Variants in TTC7B observed in about 807,000 individuals in gnomAD.
TTC7B encodes the protein tetratricopeptide repeat protein 7B.
In TTC7B, 28 loss-of-function variants were observed where a neutral mutation model predicts 106.8. The observed-to-expected ratio is 0.26, with a 90% CI of 0.19 to 0.36. The LOEUF is 0.36. Ranked by LOEUF, TTC7B falls within the 10% of genes least tolerant of loss-of-function variation. The pLI is 1.00. For synonymous variants in TTC7B, 405 were observed against 430.6 expected (o/e 0.94, Z 0.74); for missense variants, 862 against 1,076.4 (o/e 0.80, Z 2.79).
Position 90,552,419 on chromosome 14 carries a change from C to T in TTC7B, c.2311-10830G>A, listed in dbSNP as rs546636231. Among the ~76,000 whole-genome samples the T allele has an allele frequency of 4.6e-5, 7 of 152,344 alleles. No individual in the cohort carries two copies. The East Asian group carries it at 1.3e-3, about 29-fold the overall frequency. On this transcript the variant is annotated intron_variant, in intron 19 of 19. Coordinates refer to ENST00000328459, the MANE Select transcript of TTC7B (RefSeq NM_001010854.2). ...AAAGGCCAACCCTAGGTCTTCCTGA[C>T]AGCCCGTGCCCATCTAAGCCTCATA...
chr14:90,697,101 T>C (rs908378502), intron 5 of TTC7B, among the ~76,000 whole-genome samples: 24 of 152,274 alleles, frequency 1.6e-4, no homozygotes, highest in South Asian at 8.3e-4. Flanking sequence ...GTACTTTGAA[T>C]TGTATGAAAT....
intron 5 of TTC7B, among the ~76,000 whole-genome samples, chr14:90,719,886 A>G (rs1296350531): frequency 1.3e-5 from 2 of 152,210 alleles, no homozygotes; most frequent in South Asian, 2.1e-4. Flanking sequence ...TGGCTGGACA[A>G]GATGCCTTTG....
chr14:90,641,597 C>T (rs889281077), intron 15 of TTC7B, among the ~76,000 whole-genome samples: 33 of 152,200 alleles, frequency 2.2e-4, no homozygotes, highest in Admixed American at 2.0e-3. Context: ...AGTTTCCCAT[C>T]GCAAAGAAAT....
At chr14:90,580,241 G>A (rs1034964807) in intron 18 of TTC7B, among the ~76,000 whole-genome samples, 1 of 152,244 alleles carries the variant, frequency 6.6e-6, no homozygotes, top group Admixed American at 6.5e-5. Context: ...ATGGATGAAA[G>A]GTAACTAACA....
chr14:90,780,240 G>A (rs1891163938), intron 3 of TTC7B, among the ~76,000 whole-genome samples: 1 of 152,080 alleles, frequency 6.6e-6, no homozygotes, highest in South Asian at 2.1e-4. Context: ...AATTAGCTGG[G>A]TGTGGTGGCG....
At chr14:90,810,320 C>T (rs761134160) in intron 1 of TTC7B, among the ~76,000 whole-genome samples, 2 of 152,090 alleles carry the variant, frequency 1.3e-5, no homozygotes, top group Non-Finnish European at 1.5e-5. Context: ...CAAGGGCTTC[C>T]GAAAAAGGGT....
intron 3 of TTC7B, among the ~76,000 whole-genome samples, chr14:90,758,424 G>A (rs899887493): frequency 2.2e-5 from 3 of 135,020 alleles, no homozygotes; most frequent in Non-Finnish European, 4.9e-5. Flanking sequence ...GGGGACAGCA[G>A]TGAGCGGGGC....
rs542898481 is a variant in TTC7B, at chr14:90,800,538, G to A, written c.122-14210C>T. The stretch of plus-strand genomic sequence containing the variant: ...TTAGAAGGTCAGAGTCCGGCCAGGC[G>A]AGGTGGCTCACACCTGTAATCCCAG... On this transcript the variant is annotated intron_variant, in intron 1 of 19. Transcript: ENST00000328459. 4.1e-3 allele frequency among the ~76,000 whole-genome samples: 623 copies of A among 152,260 alleles called. 2 individuals are homozygous for A. The highest frequency in any genetic ancestry group is 0.014 in the African/African-American group (600 of 41,550).
At chr14:90,603,973 T>TGCCC (rs1426330276) in intron 17 of TTC7B, among the ~76,000 whole-genome samples, 4 of 152,178 alleles carry the variant, frequency 2.6e-5, no homozygotes, top group African/African-American at 9.7e-5. Context: ...AACTGAGCAC[T>TGCCC]GCCCGGGACA....
In TTC7B at chr14:90,600,445, T is replaced by C. The variant is rs1477816590; in HGVS notation, c.1967-6819A>G. Reference sequence around the variant, plus strand: ...CAACCATGAGGGCTCCTGCTGTGGGTTCCTCTGATAAATAAATCACCTTGG... The same window carrying C: ...CAACCATGAGGGCTCCTGCTGTGGGCTCCTCTGATAAATAAATCACCTTGG... On this transcript the variant is annotated intron_variant, in intron 17 of 19. Transcript: ENST00000328459. This position sits in a 1 kb window ranked among gnomAD's most constrained non-coding sequence, Gnocchi z 4.3. Among the ~76,000 whole-genome samples, 5 of 152,104 alleles carry C rather than the reference T, an allele frequency of 3.3e-5. No individual in the cohort carries two copies. The highest frequency in any genetic ancestry group is 6.5e-5 in the Admixed American group (1 of 15,284).
chr14:90,806,492 C>G (rs758053157), intron 1 of TTC7B, among the ~76,000 whole-genome samples: 1 of 152,234 alleles, frequency 6.6e-6, no homozygotes, highest in Admixed American at 6.5e-5. Flanking sequence ...AACCGAGCAT[C>G]TGAACCTTTC....
At chr14:90,764,700 C>T (rs928032747) in intron 3 of TTC7B, among the ~76,000 whole-genome samples, 1 of 152,012 alleles carries the variant, frequency 6.6e-6, no homozygotes, top group African/African-American at 2.4e-5. Flanking sequence ...CCAATAAGCA[C>T]ATGAAAAATT....
At chr14:90,584,847 A>G (rs372296885) in intron 18 of TTC7B, among the ~76,000 whole-genome samples, 1 of 152,072 alleles carries the variant, frequency 6.6e-6, no homozygotes, top group African/African-American at 2.4e-5. Flanking sequence ...CTGCTAGCAC[A>G]GAGGGTGCTC....
At position 90,786,197 on chromosome 14, in the gene TTC7B, C is replaced by T. The variant is rs895702605; in HGVS notation, c.253G>A (p.Ala85Thr). The change falls in exon 2 of 20, where the codon GCC becomes ACC. Residue 85 changes from alanine to threonine, a missense_variant. Coordinates refer to ENST00000328459, the MANE Select transcript of TTC7B (RefSeq NM_001010854.2). ...ACCTTAAGGTTCCCTCGGTCCAGGG[C>T]GGCGGTCAGATGCTTGCGGACCTCA... ...LTEVRKHLTAALDRGNLKSEF... is the reference protein window; with the variant it reads ...LTEVRKHLTATLDRGNLKSEF... 18 of 1,581,186 alleles carry T rather than the reference C, an allele frequency of 1.1e-5. No individual in the cohort carries two copies. The highest frequency in any genetic ancestry group is 4.1e-5 in the African/African-American group (3 of 73,444).
intron 4 of TTC7B, among the ~76,000 whole-genome samples, chr14:90,738,563 C>T (rs565298035): frequency 3.0e-4 from 46 of 151,506 alleles, no homozygotes; most frequent in South Asian, 1.2e-3. Context: ...GCCAAGACTG[C>T]GCCATTGCAC....
intron 18 of TTC7B, among the ~76,000 whole-genome samples, chr14:90,590,805 C>T (rs1291935102): frequency 1.3e-5 from 2 of 152,210 alleles, no homozygotes; most frequent in Non-Finnish European, 2.9e-5. Context: ...GTCGATATGG[C>T]ACAAATTCCA....
At chr14:90,711,741 C>CA (rs1285966851) in intron 5 of TTC7B, among the ~76,000 whole-genome samples, 1 of 151,690 alleles carries the variant, frequency 6.6e-6, no homozygotes, top group Admixed American at 6.6e-5. Flanking sequence ...AAATTTTTTC[C>CA]AAAAAAATGC....
At chr14:90,644,359 T>G in intron 14 of TTC7B, 151 bp from the exon 15 acceptor site, 1 of 847,872 alleles carries the variant, frequency 1.2e-6, no homozygotes. Context: ...ATTCACATTT[T>G]AAGCCAAATC....
chr14:90,770,945 C>T (rs1890844076), intron 3 of TTC7B, among the ~76,000 whole-genome samples: 1 of 152,058 alleles, frequency 6.6e-6, no homozygotes, highest in South Asian at 2.1e-4. Context: ...AAGCCAATCA[C>T]AAAAAGGCAA....
Sources: allele counts gnomAD v4.1 joint callset (sites outside exome capture counted in the v4.1 genomes callset), GRCh38; gene constraint gnomAD v4.1.1; non-coding constraint Gnocchi (gnomAD v3.1); transcripts MANE v1.5; gene names NCBI Gene and HGNC (gene_info 2026-07-23, HGNC 2026-07-21).